Variants in ROBO2 observed in about 807,000 individuals in gnomAD.
The protein encoded by ROBO2 is roundabout homolog 2.
In ROBO2, 53 loss-of-function variants were observed where a neutral mutation model predicts 160.8. The observed-to-expected ratio is 0.33, with a 90% CI of 0.26 to 0.41. ROBO2 has a LOEUF of 0.41. ROBO2 is among the 10% of genes least tolerant of loss of function. The pLI, the probability that ROBO2 is intolerant of heterozygous loss-of-function variation, is 1.00. For missense variants in ROBO2, 1,577 were observed against 1,722.4 expected (o/e 0.92, Z 1.49); for synonymous variants, 664 against 611.7 (o/e 1.09, Z -1.26).
chr3:76,146,033 T>C (rs540938231), intron 2 of ROBO2, among the ~76,000 whole-genome samples: 17 of 152,110 alleles, frequency 1.1e-4, no homozygotes, highest in African/African-American at 3.9e-4. Context: ...AATTCTGGTT[T>C]ATATCATACA....
At chr3:76,074,303 T>C (rs183798172) in intron 2 of ROBO2, among the ~76,000 whole-genome samples, 11 of 152,310 alleles carry the variant, frequency 7.2e-5, no homozygotes, top group Admixed American at 7.2e-4. Context: ...CTACACCCAG[T>C]CTCAACATTT....
At chr3:77,232,998 G>C (rs745331525) in intron 2 of ROBO2, among the ~76,000 whole-genome samples, 1 of 152,116 alleles carries the variant, frequency 6.6e-6, no homozygotes, top group African/African-American at 2.4e-5. Flanking sequence ...ATATTGAAGA[G>C]CTTTAAATCC....
intron 2 of ROBO2, among the ~76,000 whole-genome samples, chr3:76,348,227 A>G (rs1264413901): frequency 6.6e-6 from 1 of 152,154 alleles, no homozygotes; most frequent in Non-Finnish European, 1.5e-5. Context: ...ATCAGTCTTC[A>G]TAAGAAGTCT....
chr3:77,633,597 C>T (rs2095211874), intron 23 of ROBO2: 1 of 151,822 alleles, frequency 6.6e-6, no homozygotes, highest in Non-Finnish European at 1.5e-5. Flanking sequence ...AGATTTTTAC[C>T]CTTCACTAAA....
chr3:77,535,986 C>T (rs1371854080), intron 6 of ROBO2, among the ~76,000 whole-genome samples: 1 of 152,114 alleles, frequency 6.6e-6, no homozygotes, highest in Non-Finnish European at 1.5e-5. Flanking sequence ...TAAACTATTA[C>T]TATTGATTGC....
At chr3:76,603,819 TTTG>T (rs2087429818) in intron 2 of ROBO2, among the ~76,000 whole-genome samples, 1 of 152,094 alleles carries the variant, frequency 6.6e-6, no homozygotes, top group African/African-American at 2.4e-5. Flanking sequence ...TAGCAATCAG[TTTG>T]TTTTTATTTT....
chr3:77,180,925 A>G (rs2080721241), intron 2 of ROBO2, among the ~76,000 whole-genome samples: 1 of 152,068 alleles, frequency 6.6e-6, no homozygotes, highest in African/African-American at 2.4e-5. Context: ...AAGCAAAATG[A>G]TTTTTGAAAA....
chr3:77,579,513 T>C (rs2093857813), intron 15 of ROBO2, among the ~76,000 whole-genome samples: 1 of 152,154 alleles, frequency 6.6e-6, no homozygotes, highest in Non-Finnish European at 1.5e-5. Flanking sequence ...TTACAACTTA[T>C]AATCACCATA....
intron 2 of ROBO2, among the ~76,000 whole-genome samples, chr3:77,108,273 C>CAT (rs72449818): frequency 2.6e-4 from 24 of 91,786 alleles, no homozygotes; most frequent in South Asian, 7.4e-4. Flanking sequence ...TACACATATG[C>CAT]ATATATATAT....
intron 2 of ROBO2, among the ~76,000 whole-genome samples, chr3:76,759,321 A>C (rs1003824002): frequency 2.0e-5 from 3 of 151,842 alleles, no homozygotes; most frequent in Non-Finnish European, 4.4e-5. Context: ...TGGTTGCATA[A>C]TTTAATTAAA....
intron 2 of ROBO2, among the ~76,000 whole-genome samples, chr3:76,998,222 A>G (rs1305381412): frequency 6.6e-6 from 1 of 152,156 alleles, no homozygotes. Context: ...TTGGAGGACA[A>G]ATTGATTGAT....
intron 2 of ROBO2, among the ~76,000 whole-genome samples, chr3:76,927,894 T>C (rs544163183): frequency 6.6e-6 from 1 of 152,172 alleles, no homozygotes; most frequent in South Asian, 2.1e-4. Context: ...GGATGACATA[T>C]ATAAAAAGTT....
At chr3:76,673,716 G>A (rs147695365) in intron 2 of ROBO2, among the ~76,000 whole-genome samples, 394 of 150,324 alleles carry the variant, frequency 2.6e-3, no homozygotes, top group African/African-American at 9.2e-3. Flanking sequence ...CAATAGGATC[G>A]TTTTTTTTTA....
At chr3:77,562,872 T>G in intron 10 of ROBO2, 140 bp downstream of exon 11, 6 of 740,912 alleles carry the variant, frequency 8.1e-6, no homozygotes, top group Non-Finnish European at 1.2e-5. Context: ...ATTTTTTAAT[T>G]CATGCATGAA....
intron 2 of ROBO2, among the ~76,000 whole-genome samples, chr3:76,922,490 T>G (rs2076731023): frequency 6.6e-6 from 1 of 152,092 alleles, no homozygotes; most frequent in Non-Finnish European, 1.5e-5. Context: ...GTCCAAAGCA[T>G]TCAACGGAAA....
intron 2 of ROBO2, among the ~76,000 whole-genome samples, chr3:75,959,854 T>C (rs1393253915): frequency 1.3e-5 from 2 of 151,738 alleles, no homozygotes; most frequent in Admixed American, 6.6e-5. Context: ...TATTATTACC[T>C]ACTAATATTA....
At chr3:76,649,841 CTT>C (rs2091169764) in intron 2 of ROBO2, among the ~76,000 whole-genome samples, 1 of 151,992 alleles carries the variant, frequency 6.6e-6, no homozygotes, top group Non-Finnish European at 1.5e-5. Flanking sequence ...AGGCACGACT[CTT>C]ATAAAACCAT....
intron 2 of ROBO2, among the ~76,000 whole-genome samples, chr3:76,480,423 A>G (rs1479591481): frequency 6.6e-6 from 1 of 152,128 alleles, no homozygotes; most frequent in African/African-American, 2.4e-5. Flanking sequence ...GAACACTGTC[A>G]TATATTTACC....
chr3:76,341,805 A>T (rs1303235650), intron 2 of ROBO2, among the ~76,000 whole-genome samples: 1 of 152,188 alleles, frequency 6.6e-6, no homozygotes, highest in African/African-American at 2.4e-5. Flanking sequence ...TGGGACGTAA[A>T]AAAAGTGAAC....
Sources: gnomAD v4.1 joint callset for allele counts (sites outside exome capture counted in the v4.1 genomes callset) on GRCh38, gnomAD v4.1.1 for gene constraint, MANE v1.5 for transcripts, NCBI Gene and HGNC (gene_info 2026-07-23, HGNC 2026-07-21) for gene names.